The following NPSR1 variants were observed in gnomAD, a reference collection of about 807,000 sequenced individuals.
NPSR1 encodes neuropeptide S receptor.
NPSR1 carries 48 observed loss-of-function variants against 46.9 expected under a neutral mutation model. The observed-to-expected ratio is 1.02, with a 90% CI of 0.81 to 1.30. The LOEUF is 1.30. NPSR1 is among the 50% of genes most tolerant of loss of function. The pLI is 0.00. For missense variants in NPSR1, 450 were observed against 449.5 expected (o/e 1.00, Z -0.01); for synonymous variants, 176 against 168.1 (o/e 1.05, Z -0.36).
intron 2 of NPSR1, among the ~76,000 whole-genome samples, chr7:34,747,249 C>T (rs922932181): frequency 1.3e-5 from 2 of 151,988 alleles, no homozygotes; most frequent in African/African-American, 4.8e-5. Flanking sequence ...CAAGCAAGGG[C>T]ATCTGTAACC....
chr7:34,665,765 C>T (rs905315035), intron 1 of NPSR1, among the ~76,000 whole-genome samples: 1 of 152,054 alleles, frequency 6.6e-6, no homozygotes, highest in African/African-American at 2.4e-5. Context: ...CAATATGGTT[C>T]CTCTCTTGAC....
chr7:34,798,488 T>C lies in NPSR1; in HGVS notation c.385-13282T>C, dbSNP rs141488221. The stretch of plus-strand genomic sequence containing the variant: ...AGGCGAAGGTTGCAGTGATCCAAGA[T>C]TGTACCACTACACTCCAGCCTGGGT... On this transcript the variant is annotated intron_variant, in intron 3 of 8. Coordinates refer to ENST00000360581, the MANE Select transcript of NPSR1 (RefSeq NM_207172.2). Among the ~76,000 whole-genome samples, 650 of 152,200 alleles carry C rather than the reference T, an allele frequency of 4.3e-3. 2 individuals carry two copies. Among genetic ancestry groups the C allele is most frequent in the African/African-American group, 0.015 (628 of 41,534 alleles).
chr7:34,873,502 G>A (rs1791504087), intron 8 of NPSR1, among the ~76,000 whole-genome samples: 1 of 151,722 alleles, frequency 6.6e-6, no homozygotes, highest in Non-Finnish European at 1.5e-5. Flanking sequence ...CCACCTCTGG[G>A]GAGGCCTCAG....
At chr7:34,867,099 A>C (rs935810064) in intron 8 of NPSR1, among the ~76,000 whole-genome samples, 1 of 151,654 alleles carries the variant, frequency 6.6e-6, no homozygotes, top group African/African-American at 2.4e-5. Flanking sequence ...AAGTACCCAT[A>C]AACATGGGCT....
At chr7:34,752,165 G>A (rs960422337) in intron 2 of NPSR1, 37 of 393,030 alleles carry the variant, frequency 9.4e-5, no homozygotes, top group Non-Finnish European at 1.5e-4. Context: ...ATATGTCTAC[G>A]TGTAAGGTAT....
At chr7:34,846,708 G>A (rs573581385) in intron 7 of NPSR1, among the ~76,000 whole-genome samples, 11 of 151,946 alleles carry the variant, frequency 7.2e-5, no homozygotes, top group East Asian at 1.9e-4. Flanking sequence ...TTTCTCAGCC[G>A]GCAAAAAGAA....
intron 3 of NPSR1, among the ~76,000 whole-genome samples, chr7:34,789,641 A>G (rs2128742267): frequency 6.6e-6 from 1 of 150,708 alleles, no homozygotes; most frequent in East Asian, 2.0e-4. Context: ...AAAGATACAA[A>G]AATTAGCCAG....
At chr7:34,706,333 A>T (rs1420298202) in intron 2 of NPSR1, among the ~76,000 whole-genome samples, 1 of 149,916 alleles carries the variant, frequency 6.7e-6, no homozygotes. Flanking sequence ...ATTACTTACC[A>T]TTTATTTTAA....
At chr7:34,842,847 GA>G (rs1190020252) in intron 6 of NPSR1, among the ~76,000 whole-genome samples, 1 of 152,194 alleles carries the variant, frequency 6.6e-6, no homozygotes, top group African/African-American at 2.4e-5. Context: ...AAGCTCCTCA[GA>G]AAGACATTCA....
intron 3 of NPSR1, among the ~76,000 whole-genome samples, chr7:34,802,237 A>T: frequency 6.6e-6 from 1 of 150,404 alleles, no homozygotes; most frequent in East Asian, 1.9e-4. Flanking sequence ...TATGGAACCA[A>T]AAAAGAGCTC....
At chr7:34,811,947 A>C in intron 4 of NPSR1, 84 bp downstream of exon 4, 1 of 812,798 alleles carries the variant, frequency 1.2e-6, no homozygotes, top group South Asian at 1.6e-5. Flanking sequence ...TTTTACTCTT[A>C]ATAATAGTGA....
downstream of NPSR1, among the ~76,000 whole-genome samples, chr7:34,850,440 G>A (rs563967789): frequency 1.4e-4 from 18 of 129,610 alleles, no homozygotes; most frequent in African/African-American, 4.2e-4. Context: ...TCGCTCTGTC[G>A]CCCAGGCTGG....
intron 2 of NPSR1, among the ~76,000 whole-genome samples, chr7:34,752,322 C>T (rs557393669): frequency 2.6e-5 from 4 of 152,218 alleles, no homozygotes; most frequent in African/African-American, 9.6e-5. Context: ...TTGTCTCCTG[C>T]TAAATTACAG....
At chr7:34,736,177 T>C (rs2128716398) in intron 2 of NPSR1, among the ~76,000 whole-genome samples, 1 of 152,292 alleles carries the variant, frequency 6.6e-6, no homozygotes, top group Non-Finnish European at 1.5e-5. Flanking sequence ...TTGGTTAAGC[T>C]GTCAGCAGAA....
chr7:34,825,310 A>G (rs1413774762), intron 4 of NPSR1, among the ~76,000 whole-genome samples: 1 of 152,142 alleles, frequency 6.6e-6, no homozygotes, highest in Non-Finnish European at 1.5e-5. Context: ...TGTTGACACT[A>G]TTCTCAGTCT....
intron 2 of NPSR1, among the ~76,000 whole-genome samples, chr7:34,714,260 A>G (rs1783443822): frequency 6.6e-6 from 1 of 152,208 alleles, no homozygotes; most frequent in African/African-American, 2.4e-5. Flanking sequence ...TGAAATTATG[A>G]AATGTCCATT....
At position 34,793,302 on chromosome 7, in the gene NPSR1, A is replaced by G. The variant is rs146570230; in HGVS notation, c.384+14737A>G. ...ATGGGAGACTATTGGCAAACTATGC[A>G]TCTGATGAGGAGTTAATATCCAGAA... is the stretch of plus-strand genomic sequence containing the variant. On this transcript the variant is annotated intron_variant, in intron 3 of 8. Transcript: ENST00000360581. Among the ~76,000 whole-genome samples the G allele has an allele frequency of 3.3e-5, 5 of 152,260 alleles. No homozygotes were observed. The East Asian group carries it at 5.8e-4, about 18-fold the overall frequency.
intron 2 of NPSR1, among the ~76,000 whole-genome samples, chr7:34,756,740 G>T (rs550223754): frequency 1.4e-4 from 22 of 152,308 alleles, no homozygotes; most frequent in African/African-American, 4.6e-4. Flanking sequence ...GGAGGACAAA[G>T]TCTAGCGACC....
intron 2 of NPSR1, among the ~76,000 whole-genome samples, chr7:34,738,764 T>C (rs1784802169): frequency 6.6e-6 from 1 of 152,180 alleles, no homozygotes; most frequent in African/African-American, 2.4e-5. Context: ...ATATAACATA[T>C]CATTCATCAA....
Sources: gnomAD v4.1 joint callset for allele counts (sites outside exome capture counted in the v4.1 genomes callset) on GRCh38, gnomAD v4.1.1 for gene constraint, MANE v1.5 for transcripts, NCBI Gene and HGNC (gene_info 2026-07-23, HGNC 2026-07-21) for gene names.